Variants in RIMS1 observed in about 807,000 individuals in gnomAD.
The protein encoded by RIMS1 is regulating synaptic membrane exocytosis protein 1.
Under a neutral mutation model 214.1 loss-of-function variants are expected in RIMS1, and 83 were observed. The ratio of observed to expected loss-of-function variants is 0.39; its 90% CI spans 0.32 to 0.47. The LOEUF is 0.47. Ranked by LOEUF, RIMS1 falls within the 20% of genes least tolerant of loss-of-function variation. The probability of loss-of-function intolerance (pLI) is 0.99; values close to 1 mark genes in which losing one functional copy is unlikely to be tolerated. For synonymous variants in RIMS1, 793 were observed against 786.8 expected (o/e 1.01, Z -0.13); for missense variants, 2,050 against 2,161.8 (o/e 0.95, Z 1.03).
chr6:72,068,253 C>T (rs918882050), intron 2 of RIMS1, among the ~76,000 whole-genome samples: 2 of 152,174 alleles, frequency 1.3e-5, no homozygotes, highest in Admixed American at 1.3e-4. Flanking sequence ...GCCATGAAAC[C>T]AGCCTCAATT....
intron 11 of RIMS1, among the ~76,000 whole-genome samples, chr6:72,246,430 A>C (rs186821276): frequency 6.6e-6 from 1 of 152,316 alleles, no homozygotes; most frequent in East Asian, 1.9e-4. Flanking sequence ...TATTGTGTGC[A>C]ATAAAATATA....
At chr6:72,375,834 A>T (rs1452858492) in intron 29 of RIMS1, among the ~76,000 whole-genome samples, 2 of 152,176 alleles carry the variant, frequency 1.3e-5, no homozygotes, top group Non-Finnish European at 2.9e-5. Flanking sequence ...TTACTGGTGA[A>T]AATGTTTGTA....
At chr6:72,000,773 C>T (rs1804931471) in intron 2 of RIMS1, among the ~76,000 whole-genome samples, 1 of 152,110 alleles carries the variant, frequency 6.6e-6, no homozygotes, top group African/African-American at 2.4e-5. Flanking sequence ...TAGACATTTG[C>T]CATTGTTTAT....
chr6:72,270,049 A>G (rs577607426), intron 22 of RIMS1, among the ~76,000 whole-genome samples: 2 of 152,140 alleles, frequency 1.3e-5, no homozygotes, highest in East Asian at 1.9e-4. Context: ...AATACATTGT[A>G]TTTTATTTAG....
chr6:72,159,643 G>A (rs2045012996), intron 4 of RIMS1, among the ~76,000 whole-genome samples: 1 of 140,656 alleles, frequency 7.1e-6, no homozygotes, highest in African/African-American at 2.5e-5. Context: ...TTATTAAATA[G>A]GGAATCCTTT....
chr6:72,084,976 TG>T (rs956896379), intron 2 of RIMS1, among the ~76,000 whole-genome samples: 6 of 152,124 alleles, frequency 3.9e-5, no homozygotes, highest in Admixed American at 3.3e-4. Context: ...GAGCAGAAAT[TG>T]CAACATTTTA....
intron 6 of RIMS1, among the ~76,000 whole-genome samples, chr6:72,196,419 CT>C (rs1302894278): frequency 2.2e-4 from 32 of 145,978 alleles, no homozygotes; most frequent in Admixed American, 7.6e-4. Flanking sequence ...ATCTATCTAT[CT>C]AACTGGGGAC....
At chr6:72,347,235 T>C (rs374042865) in intron 29 of RIMS1, among the ~76,000 whole-genome samples, 77 of 152,020 alleles carry the variant, frequency 5.1e-4, no homozygotes, top group Middle Eastern at 3.4e-3. Flanking sequence ...TAAAAGCACG[T>C]CACTCAACCC....
intron 29 of RIMS1, among the ~76,000 whole-genome samples, chr6:72,380,288 C>T (rs2098464177): frequency 2.0e-5 from 3 of 152,194 alleles, no homozygotes; most frequent in Middle Eastern, 3.4e-3. Flanking sequence ...AGGAGGAATA[C>T]CTAATGTAAA....
intron 26 of RIMS1, 105 bp downstream of exon 26, chr6:72,292,151 G>C: frequency 1.4e-6 from 1 of 713,620 alleles, no homozygotes; most frequent in Non-Finnish European, 2.2e-6. Flanking sequence ...TATGTAGTTT[G>C]CTGCATCCTA....
intron 2 of RIMS1, among the ~76,000 whole-genome samples, chr6:72,037,526 C>A (rs1292802678): frequency 6.6e-6 from 1 of 151,296 alleles, no homozygotes; most frequent in Non-Finnish European, 1.5e-5. Context: ...TTTTTAACAG[C>A]TTTATTGAGG....
At chr6:72,133,670 GT>G (rs1331644130) in intron 4 of RIMS1, among the ~76,000 whole-genome samples, 2 of 152,090 alleles carry the variant, frequency 1.3e-5, no homozygotes, top group Non-Finnish European at 2.9e-5. Context: ...CTCACTGACT[GT>G]GGATGACACC....
At chr6:72,254,453 T>C (rs2074905849) in intron 16 of RIMS1, among the ~76,000 whole-genome samples, 1 of 152,196 alleles carries the variant, frequency 6.6e-6, no homozygotes, top group South Asian at 2.1e-4. Context: ...TTTAAATTCA[T>C]TTGGGATATT....
At chr6:72,177,103 T>C (rs1937819772) in intron 4 of RIMS1, among the ~76,000 whole-genome samples, 1 of 152,218 alleles carries the variant, frequency 6.6e-6, no homozygotes, top group South Asian at 2.1e-4. Context: ...AGTATTATTG[T>C]GCTCCTTTCT....
At chr6:72,109,063 A>G (rs1468741257) in intron 4 of RIMS1, among the ~76,000 whole-genome samples, 6 of 151,884 alleles carry the variant, frequency 4.0e-5, no homozygotes, top group African/African-American at 9.7e-5. Flanking sequence ...GTATTCCATG[A>G]TGTATATGGG....
rs1267464166 is a variant in RIMS1, at chr6:72,313,701, T to C, written c.4130+29T>C. 8 of 1,573,844 alleles carry C rather than the reference T, an allele frequency of 5.1e-6. No homozygotes were observed. The Admixed American group carries it at 5.6e-5, about 11-fold the overall frequency. ...AGTTGGCAATACTGTTTATATAAAC[T>C]GGATCTTTATCTGTGATATAAAAAT... On this transcript the variant is annotated intron_variant, in intron 28 of 33. Transcript: ENST00000521978.
Position 72,153,024 on chromosome 6 carries a change from GTGTA to G in RIMS1, c.472-26549_472-26546del, listed in dbSNP as rs1286333106. Among the ~76,000 whole-genome samples, 3 of 135,992 alleles carry G rather than the reference GTGTA, an allele frequency of 2.2e-5. 1 individual carries two copies. Among genetic ancestry groups the G allele is most frequent in the Admixed American group, 1.5e-4 (2 of 13,014 alleles). 89.2% of individuals were successfully genotyped at this position (135,992 alleles called of 152,430 possible). On this transcript the variant is annotated intron_variant, in intron 4 of 33. Transcript: ENST00000521978. ...TTTATATATGTATATATATGTGTGT[GTGTA>G]TATATGTGTGTGTGTGTATATATAT... is the stretch of plus-strand genomic sequence containing the variant.
intron 6 of RIMS1, among the ~76,000 whole-genome samples, chr6:72,193,636 G>A (rs2050407531): frequency 6.6e-6 from 1 of 152,132 alleles, no homozygotes; most frequent in Admixed American, 6.6e-5. Context: ...TTGTGACACT[G>A]CACAAGTTAC....
chr6:72,005,932 C>G (rs1181143254), intron 2 of RIMS1, among the ~76,000 whole-genome samples: 2 of 152,132 alleles, frequency 1.3e-5, no homozygotes, highest in Non-Finnish European at 2.9e-5. Context: ...ATTCAAGTTG[C>G]CATGGCAAAT....
Sources: allele counts gnomAD v4.1 joint callset (sites outside exome capture counted in the v4.1 genomes callset), GRCh38; gene constraint gnomAD v4.1.1; transcripts MANE v1.5; gene names NCBI Gene and HGNC (gene_info 2026-07-23, HGNC 2026-07-21).